Variants in ROBO1 observed in about 807,000 individuals in gnomAD.
The protein encoded by ROBO1 is roundabout homolog 1.
Under a neutral mutation model 195.9 loss-of-function variants are expected in ROBO1, and 149 were observed. That is an observed-to-expected ratio of 0.76 (90% confidence interval 0.67 to 0.87). ROBO1 has a LOEUF of 0.87. Among genes scored for constraint, ROBO1 ranks in the 40% least tolerant of loss-of-function variants. ROBO1 has a pLI of 0.00. For missense variants in ROBO1, 1,933 were observed against 2,068.3 expected, an observed-to-expected ratio of 0.93 and a Z score of 1.27; for synonymous variants, 816 against 733.2, an observed-to-expected ratio of 1.11 and a Z score of -1.82.
chr3:79,055,691 T>G (rs1358077585), intron 3 of ROBO1, among the ~76,000 whole-genome samples: 1 of 152,080 alleles, frequency 6.6e-6, no homozygotes, highest in Non-Finnish European at 1.5e-5. Flanking sequence ...AACATGGAGT[T>G]TGTTCCTGGA....
chr3:79,263,902 A>G (rs943044520), intron 2 of ROBO1, among the ~76,000 whole-genome samples: 10 of 152,050 alleles, frequency 6.6e-5, no homozygotes, highest in African/African-American at 2.2e-4. Flanking sequence ...AGTCATTTTT[A>G]GTTATTCTAC....
intron 2 of ROBO1, among the ~76,000 whole-genome samples, chr3:79,422,533 G>A (rs1164472296): frequency 1.3e-5 from 2 of 152,110 alleles, no homozygotes; most frequent in Non-Finnish European, 2.9e-5. Flanking sequence ...GAGGATCCCT[G>A]AGTGTACCAC....
rs935437417 is a variant in ROBO1, at chr3:78,898,393, T to G, written c.499+40208A>C. 1.2e-4 allele frequency among the ~76,000 whole-genome samples: 17 copies of G among 137,618 alleles called. No individual in the cohort carries two copies. The East Asian group carries it at 1.4e-3, about 12-fold the overall frequency. The allele number at this position is 137,618 out of a possible 152,430, so 90.3% of individuals were successfully genotyped here. A position where few individuals can be genotyped will look rare whatever the true frequency, so the allele number is the denominator to read the frequency against. On this transcript the variant is annotated intron_variant, in intron 4 of 30. Coordinates refer to ENST00000464233, the MANE Select transcript of ROBO1 (RefSeq NM_002941.4). ...TAGATAGATAGGGTTTTTTTTTTTTTTTTTTTTTTTTTGAGACGGAGTCTT... is the reference window on the plus strand; with the variant it reads ...TAGATAGATAGGGTTTTTTTTTTTTGTTTTTTTTTTTTGAGACGGAGTCTT...
chr3:79,495,891 T>C (rs1210794206), intron 2 of ROBO1, among the ~76,000 whole-genome samples: 1 of 152,040 alleles, frequency 6.6e-6, no homozygotes, highest in African/African-American at 2.4e-5. Context: ...ATAGCACTTA[T>C]TGCGTAGGGA....
Position 78,717,193 on chromosome 3 carries a change from A to G in ROBO1, c.917+82T>C, listed in dbSNP as rs1224756713. On this transcript the variant is annotated intron_variant, in intron 7 of 30. Transcript: ENST00000464233. ...GAGGATTCTAGAATGGACTATTCTA[A>G]TGGCCCGGATGTGGAGATGATGTGA... is the stretch of plus-strand genomic sequence containing the variant. The G allele has an allele frequency of 9.9e-6, 14 of 1,414,810 alleles. No individual in the cohort carries two copies. The African/African-American group carries it at 1.9e-4, about 19-fold the overall frequency. The allele number at this position is 1,414,810 out of a possible 1,614,324, so 87.6% of individuals were successfully genotyped here.
intron 1 of ROBO1, among the ~76,000 whole-genome samples, chr3:79,761,595 C>T (rs1456682002): frequency 6.6e-6 from 1 of 152,196 alleles, no homozygotes; most frequent in Non-Finnish European, 1.5e-5. Context: ...GTACTCTGCA[C>T]AGCAGCACCT....
intron 3 of ROBO1, among the ~76,000 whole-genome samples, chr3:79,068,255 C>A (rs1009832814): frequency 6.6e-6 from 1 of 151,758 alleles, no homozygotes; most frequent in African/African-American, 2.4e-5. Flanking sequence ...GATTCCTCTC[C>A]CCAAACCCTC....
At chr3:79,027,208 A>C (rs1020054977) in intron 3 of ROBO1, among the ~76,000 whole-genome samples, 1 of 152,034 alleles carries the variant, frequency 6.6e-6, no homozygotes, top group African/African-American at 2.4e-5. Flanking sequence ...TCATTTAAAA[A>C]CCATCTTGAA....
At chr3:79,078,680 A>C (rs1368110398) in intron 3 of ROBO1, among the ~76,000 whole-genome samples, 3 of 151,842 alleles carry the variant, frequency 2.0e-5, no homozygotes, top group Non-Finnish European at 4.4e-5. Flanking sequence ...AAAGAAAAAT[A>C]ACAGCACACA....
chr3:79,557,767 T>TTTTTTTTTATATA (rs1942765970), intron 2 of ROBO1, among the ~76,000 whole-genome samples: 1 of 147,560 alleles, frequency 6.8e-6, no homozygotes, highest in Non-Finnish European at 1.5e-5. Context: ...TATATATATT[T>TTTTTTTTTATATA]TATTGCAATT....
chr3:78,787,672 G>C (rs889827325), intron 4 of ROBO1, among the ~76,000 whole-genome samples: 1 of 152,236 alleles, frequency 6.6e-6, no homozygotes, highest in African/African-American at 2.4e-5. Context: ...GGTCAGGTGC[G>C]GTGGCTAATG....
At chr3:78,888,591 C>T (rs985148975) in intron 4 of ROBO1, among the ~76,000 whole-genome samples, 7 of 152,242 alleles carry the variant, frequency 4.6e-5, no homozygotes, top group Non-Finnish European at 1.0e-4. Flanking sequence ...AAATGAATAT[C>T]GTCAGCAAAC....
chr3:78,712,874 G>A (rs1056714721), intron 8 of ROBO1, among the ~76,000 whole-genome samples: 1 of 152,132 alleles, frequency 6.6e-6, no homozygotes, highest in African/African-American at 2.4e-5. Context: ...AAAGCATCAG[G>A]CTACCAAGGT....
chr3:79,104,843 C>T (rs2079747613), intron 3 of ROBO1, among the ~76,000 whole-genome samples: 1 of 151,652 alleles, frequency 6.6e-6, no homozygotes, highest in Non-Finnish European at 1.5e-5. Flanking sequence ...TGTATTAATA[C>T]AAGAATGGAC....
intron 2 of ROBO1, among the ~76,000 whole-genome samples, chr3:79,310,451 A>G (rs552572385): frequency 4.6e-5 from 7 of 152,298 alleles, no homozygotes; most frequent in Admixed American, 1.3e-4. Context: ...ATGGAAGTCT[A>G]TGCTGCTCAG....
At position 78,614,739 on chromosome 3, in the gene ROBO1, G is replaced by A; in HGVS notation, c.4344C>T (p.Ser1448=). 6.2e-7 allele frequency: 1 copy of A among 1,613,104 alleles called. No homozygotes were observed. The highest frequency in any genetic ancestry group is 1.1e-5 in the South Asian group (1 of 91,058). ...PRPTSPVSTD[S]NMSAAVMQKT... Reference sequence around the variant, plus strand: ...TCTGCATTACGGCGGCACTCATGTTGCTGTCTGTAGACACGGGACTTGTGG... The same window carrying A: ...TCTGCATTACGGCGGCACTCATGTTACTGTCTGTAGACACGGGACTTGTGG... Residue 1448 remains serine, a synonymous_variant, in exon 28 of 31, where the codon AGC becomes AGT. Coordinates refer to ENST00000464233, the MANE Select transcript of ROBO1 (RefSeq NM_002941.4).
chr3:79,534,546 G>A (rs149131853), intron 2 of ROBO1, among the ~76,000 whole-genome samples: 4 of 152,054 alleles, frequency 2.6e-5, no homozygotes, highest in African/African-American at 7.2e-5. Context: ...TCTCTGTAAC[G>A]CTGTTTTAAA....
At chr3:79,623,425 C>A (rs1001922248) in intron 1 of ROBO1, among the ~76,000 whole-genome samples, 1 of 152,132 alleles carries the variant, frequency 6.6e-6, no homozygotes, top group South Asian at 2.1e-4. Flanking sequence ...TGTTCTAACA[C>A]AATGCAAAGA....
chr3:79,681,564 G>A (rs1435199984), intron 1 of ROBO1, among the ~76,000 whole-genome samples: 4 of 152,050 alleles, frequency 2.6e-5, no homozygotes, highest in South Asian at 4.1e-4. Flanking sequence ...AAATCTGAGT[G>A]TTACCTTGTA....
Sources: allele counts gnomAD v4.1 joint callset (sites outside exome capture counted in the v4.1 genomes callset), GRCh38; gene constraint gnomAD v4.1.1; transcripts MANE v1.5; gene names NCBI Gene and HGNC (gene_info 2026-07-23, HGNC 2026-07-21).